Variants in GRIK4 observed in about 807,000 individuals in gnomAD.
GRIK4 encodes glutamate ionotropic receptor kainate type subunit 4.
In GRIK4, 40 loss-of-function variants were observed where a neutral mutation model predicts 104.9. The observed-to-expected ratio is 0.38, with a 90% CI of 0.30 to 0.50. The LOEUF (loss-of-function observed/expected upper bound fraction) is 0.50, where lower values mean the gene tolerates loss of function less well. GRIK4 is among the 20% of genes least tolerant of loss of function. The pLI is 0.93. For synonymous variants in GRIK4, 485 were observed against 524.9 expected, an observed-to-expected ratio of 0.92 and a Z score of 1.04; for missense variants, 1,047 against 1,308.1, an observed-to-expected ratio of 0.80 and a Z score of 3.08.
At chr11:120,616,283 G>T (rs1380373570) in intron 1 of GRIK4, among the ~76,000 whole-genome samples, 1 of 152,146 alleles carries the variant, frequency 6.6e-6, no homozygotes, top group Non-Finnish European at 1.5e-5. Flanking sequence ...GGGCCATGAT[G>T]GATTGTGACC....
At chr11:120,770,308 G>T (rs1162043604) in intron 3 of GRIK4, among the ~76,000 whole-genome samples, 2 of 152,224 alleles carry the variant, frequency 1.3e-5, no homozygotes, top group African/African-American at 2.4e-5. Context: ...ATCTGTTTAT[G>T]CCACATAGTG....
intron 3 of GRIK4, among the ~76,000 whole-genome samples, chr11:120,744,209 G>T (rs1326691475): frequency 6.6e-6 from 1 of 152,184 alleles, no homozygotes; most frequent in Non-Finnish European, 1.5e-5. Context: ...TAATGAGGCT[G>T]TTGGGTGTCT....
At chr11:120,700,741 G>A (rs1003698577) in intron 3 of GRIK4, among the ~76,000 whole-genome samples, 2 of 152,126 alleles carry the variant, frequency 1.3e-5, no homozygotes, top group African/African-American at 2.4e-5. Flanking sequence ...ACAGGCGTGA[G>A]CCACTGCGCC....
chr11:120,935,095 C>T (rs1177938922), intron 13 of GRIK4, among the ~76,000 whole-genome samples: 1 of 152,210 alleles, frequency 6.6e-6, no homozygotes, highest in African/African-American at 2.4e-5. Flanking sequence ...GTGGGGACCA[C>T]TCATGTAAGC....
intron 3 of GRIK4, among the ~76,000 whole-genome samples, chr11:120,757,377 C>G (rs951421691): frequency 1.4e-4 from 22 of 152,228 alleles, no homozygotes; most frequent in Non-Finnish European, 1.9e-4. Flanking sequence ...GGCAAGTTCT[C>G]TGACTTCTCT....
intron 3 of GRIK4, among the ~76,000 whole-genome samples, chr11:120,706,695 A>T (rs1377650337): frequency 6.6e-6 from 1 of 152,202 alleles, no homozygotes; most frequent in African/African-American, 2.4e-5. Flanking sequence ...AGTCTGCTGC[A>T]TGCAGTATCA....
intron 13 of GRIK4, among the ~76,000 whole-genome samples, chr11:120,918,811 G>A (rs1014357544): frequency 1.3e-5 from 2 of 152,188 alleles, no homozygotes; most frequent in African/African-American, 4.8e-5. Flanking sequence ...TTCAGCCGGA[G>A]GAAGCCAGGC....
In GRIK4 at chr11:120,565,931, C is replaced by T. The variant is rs1948316506; in HGVS notation, c.-159+54044C>T. ...TTGAGACACACGTGGTTATTCTGGGCTTGGGGTGTGACTTTGGTATTAGGC... is the reference window on the plus strand; with the variant it reads ...TTGAGACACACGTGGTTATTCTGGGTTTGGGGTGTGACTTTGGTATTAGGC... On this transcript the variant is annotated intron_variant, in intron 1 of 20. Coordinates refer to ENST00000527524, the MANE Select transcript of GRIK4 (RefSeq NM_014619.5). Among the ~76,000 whole-genome samples the T allele has an allele frequency of 2.0e-5, 3 of 152,112 alleles. No individual in the cohort carries two copies. The South Asian group carries it at 6.2e-4, about 32-fold the overall frequency.
At chr11:120,686,920 G>C (rs1032082496) in intron 3 of GRIK4, among the ~76,000 whole-genome samples, 8 of 152,176 alleles carry the variant, frequency 5.3e-5, no homozygotes, top group South Asian at 2.1e-4. Context: ...TGAGTTGGCT[G>C]TTGTGCTATT....
rs111960926 is a variant in GRIK4 at position 120,582,096 on chromosome 11, C to T, written c.-159+70209C>T. On this transcript the variant is annotated intron_variant, in intron 1 of 20. Coordinates refer to ENST00000527524, the MANE Select transcript of GRIK4 (RefSeq NM_014619.5). ...TGCTGGGATTACAGGCATGAGCCAC[C>T]GCGCCCAGCCTGAATGGAAGATTTT... Among the ~76,000 whole-genome samples the T allele has an allele frequency of 1.1e-3, 170 of 151,750 alleles. 1 individual carries two copies. The highest frequency in any genetic ancestry group is 3.9e-3 in the African/African-American group (159 of 41,138).
At chr11:120,585,184 C>T (rs1948643293) in intron 1 of GRIK4, among the ~76,000 whole-genome samples, 3 of 152,144 alleles carry the variant, frequency 2.0e-5, no homozygotes, top group African/African-American at 7.2e-5. Flanking sequence ...TTATACCCCA[C>T]TTTGTTTATC....
chr11:120,531,466 G>A (rs1442597673), intron 1 of GRIK4, among the ~76,000 whole-genome samples: 1 of 152,224 alleles, frequency 6.6e-6, no homozygotes, highest in Non-Finnish European at 1.5e-5. Context: ...ACCAGCCTTG[G>A]GGTGGGTGCC....
intron 13 of GRIK4, among the ~76,000 whole-genome samples, chr11:120,925,161 T>C (rs1482182279): frequency 6.6e-6 from 1 of 152,178 alleles, no homozygotes; most frequent in Non-Finnish European, 1.5e-5. Flanking sequence ...AGAAGTTCTC[T>C]ATGGCTGTGG....
chr11:120,678,657 G>A (rs1397409965), intron 3 of GRIK4, among the ~76,000 whole-genome samples: 5 of 151,032 alleles, frequency 3.3e-5, no homozygotes, highest in Non-Finnish European at 4.4e-5. Flanking sequence ...TTTTTGAGAC[G>A]GAGTCTTGCT....
Position 120,862,443 on chromosome 11 carries a change from G to C in GRIK4, c.906+323G>C, listed in dbSNP as rs180909754. On this transcript the variant is annotated intron_variant, in intron 9 of 20. Transcript: ENST00000527524. ...TTAGGATCCAAGAATCGGTTGGAAGGGCCTTTAAGCTGATCTGCTCCCTCA... is the reference window on the plus strand; with the variant it reads ...TTAGGATCCAAGAATCGGTTGGAAGCGCCTTTAAGCTGATCTGCTCCCTCA... Among the ~76,000 whole-genome samples the C allele has an allele frequency of 6.8e-4, 103 of 152,266 alleles. 1 individual carries two copies. Among genetic ancestry groups the C allele is most frequent in the African/African-American group, 2.4e-3 (100 of 41,532 alleles).
intron 4 of GRIK4, among the ~76,000 whole-genome samples, chr11:120,804,716 C>T (rs1043682074): frequency 1.3e-5 from 2 of 152,226 alleles, no homozygotes; most frequent in East Asian, 1.9e-4. Context: ...TGTCTTTAGG[C>T]TGCACATCAG....
rs79266780 is a variant in GRIK4, at chr11:120,517,207, A to G, written c.-159+5320A>G. Among the ~76,000 whole-genome samples, 766 of 149,394 alleles carry G rather than the reference A, an allele frequency of 5.1e-3. 44 individuals are homozygous for G. In the East Asian group the frequency reaches 0.078, roughly 15 times the overall value. ...ACTGAGCTATCCCTAGTGCTTGCAT[A>G]GAACAGGTGTTAAGTCAATATTTGT... is the stretch of plus-strand genomic sequence containing the variant. On this transcript the variant is annotated intron_variant, in intron 1 of 20. Coordinates refer to ENST00000527524, the MANE Select transcript of GRIK4 (RefSeq NM_014619.5).
At chr11:120,674,196 T>G (rs375935273) in intron 3 of GRIK4, among the ~76,000 whole-genome samples, 1 of 152,202 alleles carries the variant, frequency 6.6e-6, no homozygotes, top group Non-Finnish European at 1.5e-5. Context: ...AGTTTTCTTT[T>G]TTCTCCATCC....
chr11:120,638,829 A>T (rs1454610871), intron 1 of GRIK4, among the ~76,000 whole-genome samples: 1 of 151,898 alleles, frequency 6.6e-6, no homozygotes, highest in Non-Finnish European at 1.5e-5. Flanking sequence ...TTTTTCAGGG[A>T]TTAGAACTAT....
Sources: allele counts gnomAD v4.1 joint callset (sites outside exome capture counted in the v4.1 genomes callset), GRCh38; gene constraint gnomAD v4.1.1; transcripts MANE v1.5; gene names NCBI Gene and HGNC (gene_info 2026-07-23, HGNC 2026-07-21).